Variants in RCAN2 observed in about 807,000 individuals in gnomAD.
The protein encoded by RCAN2 is regulator of calcineurin 2.
Under a neutral mutation model 23.6 loss-of-function variants are expected in RCAN2, and 9 were observed. The ratio of observed to expected loss-of-function variants is 0.38; its 90% CI spans 0.23 to 0.67. The LOEUF (loss-of-function observed/expected upper bound fraction) is 0.67, where lower values mean the gene tolerates loss of function less well. RCAN2 is among the 30% of genes least tolerant of loss of function. RCAN2 has a pLI of 0.51. For synonymous variants in RCAN2, 109 were observed against 115.7 expected (o/e 0.94, Z 0.37); for missense variants, 273 against 302.3 (o/e 0.90, Z 0.72).
chr6:46,320,811 T>C (rs1218687569), intron 2 of RCAN2, among the ~76,000 whole-genome samples: 1 of 152,178 alleles, frequency 6.6e-6, no homozygotes, highest in African/African-American at 2.4e-5. Flanking sequence ...TCTACTTGTA[T>C]TTACCCTTAC....
intron 2 of RCAN2, among the ~76,000 whole-genome samples, chr6:46,318,361 G>C (rs1382506181): frequency 6.6e-6 from 1 of 152,244 alleles, no homozygotes; most frequent in African/African-American, 2.4e-5. Context: ...CATCTTTCTG[G>C]AAGCTAAAGG....
chr6:46,481,478 A>G (rs1768858244), intron 1 of RCAN2, among the ~76,000 whole-genome samples: 3 of 152,174 alleles, frequency 2.0e-5, no homozygotes, highest in Non-Finnish European at 4.4e-5. Context: ...ATAATTTTAT[A>G]TAGTTGCAGT....
intron 2 of RCAN2, among the ~76,000 whole-genome samples, chr6:46,385,880 A>G (rs2150395681): frequency 6.6e-6 from 1 of 151,212 alleles, no homozygotes; most frequent in East Asian, 1.9e-4. Flanking sequence ...AAAAAAAAAA[A>G]AAAAGACTTA....
At chr6:46,340,100 AG>A (rs1434042854) in intron 2 of RCAN2, among the ~76,000 whole-genome samples, 2 of 152,226 alleles carry the variant, frequency 1.3e-5, no homozygotes, top group Non-Finnish European at 2.9e-5. Context: ...GTGAATGATA[AG>A]ATAAGCTAAT....
At chr6:46,392,547 G>C (rs1025706192) in intron 2 of RCAN2, among the ~76,000 whole-genome samples, 1 of 152,100 alleles carries the variant, frequency 6.6e-6, no homozygotes, top group African/African-American at 2.4e-5. Flanking sequence ...ATGGAGGATG[G>C]GGAAGACCAT....
At chr6:46,430,800 T>C (rs146616489) in intron 2 of RCAN2, among the ~76,000 whole-genome samples, 1 of 152,178 alleles carries the variant, frequency 6.6e-6, no homozygotes, top group African/African-American at 2.4e-5. Flanking sequence ...GAATACAAAA[T>C]AGGAAACAAC....
At chr6:46,234,503 C>T (rs948906681) in intron 4 of RCAN2, among the ~76,000 whole-genome samples, 1 of 152,158 alleles carries the variant, frequency 6.6e-6, no homozygotes, top group Non-Finnish European at 1.5e-5. Context: ...TGGGAGGTCC[C>T]ACCATGGTGC....
At chr6:46,290,190 G>A (rs538431789) in intron 2 of RCAN2, among the ~76,000 whole-genome samples, 1 of 152,162 alleles carries the variant, frequency 6.6e-6, no homozygotes, top group African/African-American at 2.4e-5. Flanking sequence ...GTGTCTTTCT[G>A]CAGTGACTCA....
intron 4 of RCAN2, among the ~76,000 whole-genome samples, chr6:46,244,480 A>T (rs1766442672): frequency 2.0e-5 from 3 of 152,030 alleles, no homozygotes; most frequent in Admixed American, 2.0e-4. Context: ...GGGTGTCTGG[A>T]ACTTGCCCCT....
intron 2 of RCAN2, among the ~76,000 whole-genome samples, chr6:46,370,656 T>A (rs577791322): frequency 1.3e-5 from 2 of 152,370 alleles, no homozygotes; most frequent in South Asian, 4.1e-4. Flanking sequence ...GTTGCCAGTC[T>A]CTGAATGCAC....
intron 2 of RCAN2, among the ~76,000 whole-genome samples, chr6:46,329,908 G>C (rs1400618314): frequency 6.6e-6 from 1 of 152,200 alleles, no homozygotes; most frequent in Admixed American, 6.5e-5. Context: ...CTCCATCTCA[G>C]CAGGAGGAGA....
chr6:46,399,785 T>C (rs1229031992), intron 2 of RCAN2, among the ~76,000 whole-genome samples: 1 of 152,144 alleles, frequency 6.6e-6, no homozygotes, highest in African/African-American at 2.4e-5. Context: ...ACACTTGTCA[T>C]TGGATTTAGG....
intron 2 of RCAN2, among the ~76,000 whole-genome samples, chr6:46,275,114 G>A (rs1767650475): frequency 6.6e-6 from 1 of 151,248 alleles, no homozygotes. Flanking sequence ...TATTTTTCGA[G>A]ACAGGTCTCA....
intron 2 of RCAN2, among the ~76,000 whole-genome samples, chr6:46,394,822 A>T (rs1415906801): frequency 6.6e-6 from 1 of 152,254 alleles, no homozygotes; most frequent in Non-Finnish European, 1.5e-5. Flanking sequence ...TATTGAAATA[A>T]TAATAAAGAG....
chr6:46,329,075 C>A (rs1356386079), intron 2 of RCAN2, among the ~76,000 whole-genome samples: 3 of 152,118 alleles, frequency 2.0e-5, no homozygotes, highest in African/African-American at 7.2e-5. Flanking sequence ...CTTGTTCCAG[C>A]CCAATTGGCC....
intron 2 of RCAN2, among the ~76,000 whole-genome samples, chr6:46,372,530 C>T (rs1212128770): frequency 6.6e-6 from 1 of 152,240 alleles, no homozygotes; most frequent in Non-Finnish European, 1.5e-5. Flanking sequence ...TCCTCTTCTT[C>T]TCCAATTGGT....
chr6:46,433,173 G>A lies in RCAN2; in HGVS notation c.225+23579C>T, dbSNP rs115930363. Among the ~76,000 whole-genome samples, 656 of 152,286 alleles carry A rather than the reference G, an allele frequency of 4.3e-3. 4 individuals carry two copies. Among genetic ancestry groups the A allele is most frequent in the African/African-American group, 0.015 (618 of 41,548 alleles). ...AATGCTGAAAATCAGGCAGTAGGGAGTAAACTGTAGAAGAGAAAAGATGTT... is the reference window on the plus strand; with the variant it reads ...AATGCTGAAAATCAGGCAGTAGGGAATAAACTGTAGAAGAGAAAAGATGTT... On this transcript the variant is annotated intron_variant, in intron 2 of 4. Transcript: ENST00000371374.
At chr6:46,338,495 T>A (rs183960228) in intron 2 of RCAN2, among the ~76,000 whole-genome samples, 1 of 152,296 alleles carries the variant, frequency 6.6e-6, no homozygotes, top group African/African-American at 2.4e-5. Flanking sequence ...CTTTGTGGCA[T>A]GTAACAACCC....
At chr6:46,386,638 A>G (rs1246076043) in intron 2 of RCAN2, among the ~76,000 whole-genome samples, 1 of 150,588 alleles carries the variant, frequency 6.6e-6, no homozygotes, top group African/African-American at 2.4e-5. Flanking sequence ...AAACTAAACT[A>G]AAAACTAATG....
Sources: allele counts gnomAD v4.1 joint callset (sites outside exome capture counted in the v4.1 genomes callset), GRCh38; gene constraint gnomAD v4.1.1; transcripts MANE v1.5; gene names NCBI Gene and HGNC (gene_info 2026-07-23, HGNC 2026-07-21).